Variants in ABLIM1 observed in about 807,000 individuals in gnomAD.
ABLIM1 encodes actin-binding LIM protein 1.
Under a neutral mutation model 107.0 loss-of-function variants are expected in ABLIM1, and 40 were observed. The ratio of observed to expected loss-of-function variants is 0.37; its 90% CI spans 0.29 to 0.49. ABLIM1 has a LOEUF of 0.49. ABLIM1 is among the 20% of genes least tolerant of loss of function. The probability of loss-of-function intolerance (pLI) is 0.97; values close to 1 mark genes in which losing one functional copy is unlikely to be tolerated. For missense variants in ABLIM1, 857 were observed against 1,008.5 expected, an observed-to-expected ratio of 0.85 and a Z score of 2.04; for synonymous variants, 357 against 357.3, an observed-to-expected ratio of 1.00 and a Z score of 0.01.
intron 1 of ABLIM1, among the ~76,000 whole-genome samples, chr10:114,675,853 T>C (rs2080459288): frequency 6.6e-6 from 1 of 152,212 alleles, no homozygotes; most frequent in Non-Finnish European, 1.5e-5. Flanking sequence ...TGCTACTCTC[T>C]GGTAGGTTCA....
At chr10:114,774,821 A>G in the ABLIM1 span, among the ~76,000 whole-genome samples, 6 of 152,260 alleles carry the variant, frequency 3.9e-5, no homozygotes, top group South Asian at 4.1e-4. Context: ...AGTACAAGGG[A>G]ACCAAGGCGG....
chr10:114,729,809 C>T (rs1446559278), intron 1 of ABLIM1, among the ~76,000 whole-genome samples: 1 of 152,104 alleles, frequency 6.6e-6, no homozygotes, highest in Non-Finnish European at 1.5e-5. Flanking sequence ...AGTACAATTA[C>T]TGGGTAAAAA....
intron 2 of ABLIM1, among the ~76,000 whole-genome samples, chr10:114,598,019 C>T (rs1409457322): frequency 6.6e-6 from 1 of 152,110 alleles, no homozygotes; most frequent in African/African-American, 2.4e-5. Flanking sequence ...CGCCTGTAAT[C>T]CCAGCACTTT....
the ABLIM1 span, among the ~76,000 whole-genome samples, chr10:114,799,208 T>C: frequency 1.3e-4 from 20 of 152,220 alleles, no homozygotes; most frequent in Non-Finnish European, 1.5e-4. Flanking sequence ...CTGGCATCTC[T>C]GCCAATTCCC....
chr10:114,605,131 T>C (rs561891814), intron 1 of ABLIM1, among the ~76,000 whole-genome samples: 1 of 152,334 alleles, frequency 6.6e-6, no homozygotes, highest in Admixed American at 6.5e-5. Context: ...AGAAATGGGC[T>C]GTTCTTACTA....
At chr10:114,525,495 G>A (rs1184420952) in intron 6 of ABLIM1, among the ~76,000 whole-genome samples, 1 of 152,242 alleles carries the variant, frequency 6.6e-6, no homozygotes, top group African/African-American at 2.4e-5. Context: ...AGGGATGCTT[G>A]GCAAGGCCTC....
intron 1 of ABLIM1, among the ~76,000 whole-genome samples, chr10:114,683,494 C>T (rs184284119): frequency 1.3e-3 from 204 of 152,200 alleles, no homozygotes; most frequent in African/African-American, 4.8e-3. Flanking sequence ...GTAGCAGACC[C>T]GGCTCCCCAG....
At chr10:114,509,084 T>C (rs538394204) in intron 6 of ABLIM1, among the ~76,000 whole-genome samples, 5 of 152,176 alleles carry the variant, frequency 3.3e-5, no homozygotes, top group African/African-American at 9.6e-5. Flanking sequence ...TGAGAATAAA[T>C]TCGTATGGAG....
At position 114,691,737 on chromosome 10, in the gene ABLIM1, A is replaced by G. The variant is rs545407126; in HGVS notation, c.-213+76324T>C. Among the ~76,000 whole-genome samples, 12 of 152,288 alleles carry G rather than the reference A, an allele frequency of 7.9e-5. No individual in the cohort carries two copies. The South Asian group carries it at 2.1e-3, about 26-fold the overall frequency. On this transcript the variant is annotated intron_variant, in intron 1 of 15. Transcript: ENST00000651092. ...ATCATAATGACTTACTTTAGTGTGGATTTTTTATAACTTCCACATTCATTA... is the reference window on the plus strand; with the variant it reads ...ATCATAATGACTTACTTTAGTGTGGGTTTTTTATAACTTCCACATTCATTA...
At chr10:114,661,648 T>C (rs1052571555), upstream of ABLIM1, among the ~76,000 whole-genome samples, 34 of 152,348 alleles carry the variant, frequency 2.2e-4, no homozygotes, top group African/African-American at 8.2e-4. Context: ...TTCTATGATA[T>C]GATATCACAA....
chr10:114,650,147 G>A (rs569097673), intron 1 of ABLIM1, among the ~76,000 whole-genome samples: 1 of 152,144 alleles, frequency 6.6e-6, no homozygotes, highest in Non-Finnish European at 1.5e-5. Flanking sequence ...GAGCCACTGT[G>A]CCCAGCCTCC....
chr10:114,436,469 GA>G, intron 22 of ABLIM1, 96 bp from the exon 23 acceptor site: 1 of 904,692 alleles, frequency 1.1e-6, no homozygotes, highest in Non-Finnish European at 1.7e-6. Flanking sequence ...GAGTCATTCT[GA>G]AGAACAAGGC....
chr10:114,755,809 G>A (rs1234821508), intron 1 of ABLIM1, among the ~76,000 whole-genome samples: 1 of 152,242 alleles, frequency 6.6e-6, no homozygotes, highest in East Asian at 1.9e-4. Flanking sequence ...GGGGCCTTGT[G>A]AGAATCACAA....
chr10:114,742,026 T>C (rs1180115764), intron 1 of ABLIM1, among the ~76,000 whole-genome samples: 1 of 152,216 alleles, frequency 6.6e-6, no homozygotes, highest in Admixed American at 6.5e-5. Context: ...TACCTTTTTG[T>C]CAATTACATG....
chr10:114,447,135 G>A (rs553710255), intron 15 of ABLIM1, among the ~76,000 whole-genome samples: 14 of 152,210 alleles, frequency 9.2e-5, no homozygotes, highest in African/African-American at 2.9e-4. Flanking sequence ...AAGCTGACTC[G>A]CTAAATTTTC....
At chr10:114,762,357 T>C (rs1365181614) in intron 1 of ABLIM1, among the ~76,000 whole-genome samples, 3 of 152,146 alleles carry the variant, frequency 2.0e-5, no homozygotes, top group Non-Finnish European at 4.4e-5. Context: ...TAAATATGTG[T>C]GTATTTGTCT....
chr10:114,644,361 T>TAC (rs57006356), intron 1 of ABLIM1, among the ~76,000 whole-genome samples: 11,416 of 137,648 alleles, frequency 0.083, 1,294 homozygotes, highest in African/African-American at 0.24. Context: ...CATATATATA[T>TAC]ACACACACAC....
chr10:114,703,996 T>G (rs981740474), intron 1 of ABLIM1, among the ~76,000 whole-genome samples: 2 of 152,144 alleles, frequency 1.3e-5, no homozygotes, highest in South Asian at 2.1e-4. Flanking sequence ...GGAAATAATA[T>G]GCAAAGTGTA....
intron 1 of ABLIM1, among the ~76,000 whole-genome samples, chr10:114,764,316 TTTCTC>T (rs1195855593): frequency 1.5e-4 from 23 of 152,368 alleles, no homozygotes; most frequent in African/African-American, 5.5e-4. Flanking sequence ...TTTTAATACT[TTTCTC>T]TTAAAATTTT....
Sources: allele counts gnomAD v4.1 joint callset (sites outside exome capture counted in the v4.1 genomes callset), GRCh38; gene constraint gnomAD v4.1.1; transcripts MANE v1.5; gene names NCBI Gene and HGNC (gene_info 2026-07-23, HGNC 2026-07-21).